Variants in PSG5 observed in about 807,000 individuals in gnomAD.
The protein encoded by PSG5 is pregnancy specific beta-1-glycoprotein 5, also known as pregnancy-specific beta-1-glycoprotein 5.
Under a neutral mutation model 37.7 loss-of-function variants are expected in PSG5, and 53 were observed. The observed-to-expected ratio is 1.41, with a 90% CI of 1.13 to 1.77. The LOEUF (loss-of-function observed/expected upper bound fraction) is 1.77, where lower values mean the gene tolerates loss of function less well. Ranked by LOEUF, PSG5 falls within the 40% of genes most tolerant of loss-of-function variation. The probability of loss-of-function intolerance (pLI) is 0.00; values close to 1 mark genes in which losing one functional copy is unlikely to be tolerated. For missense variants in PSG5, 547 were observed against 405.2 expected (o/e 1.35, Z -3.00); for synonymous variants, 221 against 155.4 (o/e 1.42, Z -3.14).
In PSG5 at chr19:43,176,017, G is replaced by C. The variant is rs750608331; in HGVS notation, c.562C>G (p.Pro188Ala). 3 of 1,611,104 alleles carry C rather than the reference G, an allele frequency of 1.9e-6. No homozygotes were observed. Among genetic ancestry groups the C allele is most frequent in the Admixed American group, 1.7e-5 (1 of 59,882 alleles). The change falls in exon 3 of 6, where the codon CCG (proline) becomes GCG (alanine). Residue 188 changes from proline to alanine, a missense_variant. Physicochemically the swap from Pro to Ala is conservative, Grantham distance 27. Coordinates refer to ENST00000342951, the MANE Select transcript of PSG5 (RefSeq NM_002781.4). ...YIWWLNGQSL[P>A]VSPRVKRPIE... is the part of the protein sequence containing the mutation. ...GGTCGCTTTACCCTGGGACTGACCG[G>C]GAGGCTCTGACCATTTAGCCACCAA... is the stretch of plus-strand genomic sequence containing the variant.
chr19:43,185,211 C>T (rs1435637154), intron 1 of PSG5, 64 bp from the exon 2 acceptor site: 2 of 1,505,670 alleles, frequency 1.3e-6, no homozygotes, highest in Admixed American at 2.1e-5. Flanking sequence ...AAGATGGAGC[C>T]CTGGGTCCTG....
At chr19:43,184,729 A>T (rs549113706) in intron 2 of PSG5, 53 bp downstream of exon 2, 4 of 1,604,282 alleles carry the variant, frequency 2.5e-6, no homozygotes, top group East Asian at 2.2e-5. Context: ...GTGTGTGTGA[A>T]GTAGAAATGA....
intron 4 of PSG5, chr19:43,174,975 G>A (rs1968974467): frequency 2.2e-6 from 3 of 1,375,116 alleles, no homozygotes; most frequent in South Asian, 1.5e-5. Context: ...AGGGCTCAGG[G>A]CTGATAAAGC....
rs1341222192 is a variant in PSG5 at position 43,182,833 on chromosome 19, T to C, written c.430+1949A>G. Among the ~76,000 whole-genome samples the C allele has an allele frequency of 5.5e-5, 8 of 146,232 alleles. No individual in the cohort carries two copies. In the East Asian group the frequency reaches 6.1e-4, roughly 11 times the overall value. ...TCAGCCTCACAAAGGGAAAGAGCCCTGGATGGGAATACAGTGGAAGCTCAT... is the reference window on the plus strand; with the variant it reads ...TCAGCCTCACAAAGGGAAAGAGCCCCGGATGGGAATACAGTGGAAGCTCAT... On this transcript the variant is annotated intron_variant, in intron 2 of 5. Coordinates refer to ENST00000342951, the MANE Select transcript of PSG5 (RefSeq NM_002781.4).
chr19:43,178,808 G>A, intron 2 of PSG5: 1 of 1,610,736 alleles, frequency 6.2e-7, no homozygotes, highest in Non-Finnish European at 8.5e-7. Flanking sequence ...GAGAGGGACT[G>A]AGAGGCCTGG....
chr19:43,181,677 C>G (rs1168443423), intron 2 of PSG5, among the ~76,000 whole-genome samples: 3 of 151,762 alleles, frequency 2.0e-5, no homozygotes, highest in Non-Finnish European at 4.4e-5. Flanking sequence ...CCAGGATGGT[C>G]TCCATCTTCT....
intron 3 of PSG5, 196 bp downstream of exon 3, chr19:43,175,674 G>A (rs1968993196): frequency 7.2e-7 from 1 of 1,387,732 alleles, no homozygotes; most frequent in African/African-American, 1.5e-5. Flanking sequence ...CCCATGACAA[G>A]AGCGCCCCCT....
chr19:43,175,667 A>G, intron 3 of PSG5, 198 bp from the exon 4 acceptor site: 1 of 1,388,584 alleles, frequency 7.2e-7, no homozygotes, highest in East Asian at 2.3e-5. Flanking sequence ...AAAGTCTCCC[A>G]TGACAAGAGC....
intron 5 of PSG5, among the ~76,000 whole-genome samples, chr19:43,168,464 G>A (rs1337964003): frequency 6.6e-6 from 1 of 151,484 alleles, no homozygotes; most frequent in Non-Finnish European, 1.5e-5. Context: ...TGCCTCCCGG[G>A]TTCATGCCAT....
rs150656410 is a variant in PSG5, at chr19:43,184,957, G to A, written c.255C>T (p.Asp85=). 1.5e-4 allele frequency: 236 copies of A among 1,612,234 alleles called. 1 individual carries two copies. Among genetic ancestry groups the A allele is most frequent in the African/African-American group, 1.4e-3 (108 of 74,528 alleles). The change falls in exon 2 of 6, where the codon GAC becomes GAT. Residue 85 remains aspartate (D), a synonymous_variant. Coordinates refer to ENST00000342951, the MANE Select transcript of PSG5 (RefSeq NM_002781.4). The part of the protein sequence containing the change: ...LYHYITSYVV[D]GQINIYGPAY... ...CAGGCCCATATATATTTATTTGACC[G>A]TCTACTACATATGATGTAATGTAAT... is the stretch of plus-strand genomic sequence containing the variant.
rs1429055153 is a variant in PSG5 at position 43,176,067 on chromosome 19, G to A, written c.512C>T (p.Pro171Leu). ...NKDVLAFTCE[P>L]KSENYTYIWW... ...AATGTAGGTGTAGTTCTCACTCTTAGGTTCACAGGTGAAGGCTAAGACATC... is the reference window on the plus strand; with the variant it reads ...AATGTAGGTGTAGTTCTCACTCTTAAGTTCACAGGTGAAGGCTAAGACATC... The change falls in exon 3 of 6, where the codon CCT becomes CTT. Residue 171 changes from proline to leucine, a missense_variant. Coordinates refer to ENST00000342951, the MANE Select transcript of PSG5 (RefSeq NM_002781.4). 15 of 1,610,898 alleles carry A rather than the reference G, an allele frequency of 9.3e-6. No individual in the cohort carries two copies. The highest frequency in any genetic ancestry group is 8.9e-5 in the East Asian group (4 of 44,874).
intron 5 of PSG5, among the ~76,000 whole-genome samples, chr19:43,168,455 G>A (rs1263865365): frequency 6.6e-6 from 1 of 151,346 alleles, no homozygotes; most frequent in Non-Finnish European, 1.5e-5. Flanking sequence ...TGCAAGCTCT[G>A]CCTCCCGGGT....
chr19:43,177,075 A>T (rs2190836), intron 2 of PSG5, among the ~76,000 whole-genome samples: 30,434 of 151,370 alleles, frequency 0.2, 3,777 homozygotes, highest in Non-Finnish European at 0.26. Context: ...AAGTTTTGGG[A>T]ATATTTTCTT....
chr19:43,184,543 C>T lies in PSG5; in HGVS notation c.430+239G>A, dbSNP rs951742795. Among the ~76,000 whole-genome samples, 24 of 151,452 alleles carry T rather than the reference C, an allele frequency of 1.6e-4. 1 individual carries two copies. The highest frequency in any genetic ancestry group is 3.2e-3 in the Middle Eastern group (1 of 314). On this transcript the variant is annotated intron_variant, in intron 2 of 5. Transcript: ENST00000342951. ...GAGACTGATCTCCTCCTGCTGAGTCCCCCCATCAGACTGTCCTTCCTCTGC... is the reference window on the plus strand; with the variant it reads ...GAGACTGATCTCCTCCTGCTGAGTCTCCCCATCAGACTGTCCTTCCTCTGC...
chr19:43,178,779 G>A (rs1969064935), intron 2 of PSG5: 3 of 1,607,848 alleles, frequency 1.9e-6, no homozygotes, highest in Non-Finnish European at 2.6e-6. Context: ...CAGGGGTAAA[G>A]GTCTCTGTAC....
intron 2 of PSG5, chr19:43,178,981 A>G (rs1181932219): frequency 6.2e-7 from 1 of 1,612,792 alleles, no homozygotes; most frequent in African/African-American, 1.3e-5. Context: ...CCAAATATAA[A>G]GAGGGTCCTG....
At chr19:43,179,040 T>C in intron 2 of PSG5, 3 of 1,612,734 alleles carry the variant, frequency 1.9e-6, no homozygotes, top group African/African-American at 1.3e-5. Flanking sequence ...GCTCTGACCA[T>C]TCATCCACCA....
Position 43,175,432 on chromosome 19 carries a change from G to A in PSG5, c.747C>T (p.Thr249=), listed in dbSNP as rs780615431. The A allele has an allele frequency of 1.8e-5, 29 of 1,612,306 alleles. 1 individual carries two copies. In the Admixed American group the frequency reaches 4.7e-4, roughly 26 times the overall value. The change falls in exon 4 of 6, where the codon ACC becomes ACT. Residue 249 remains threonine, a synonymous_variant. Transcript: ENST00000342951. ...PDLPSIYPSF[T]YYRSGENLYL... is the part of the protein sequence containing the mutation. ...AGAGGTTTTCTCCTGAACGGTAATA[G>A]GTGAATGAAGGGTAAATGCTGGGGA...
intron 2 of PSG5, chr19:43,178,944 T>A: frequency 6.2e-7 from 1 of 1,612,888 alleles, no homozygotes; most frequent in Non-Finnish European, 8.5e-7. Context: ...TTCACATTCA[T>A]AGGGTCCTGC....
Sources: allele counts gnomAD v4.1 joint callset (sites outside exome capture counted in the v4.1 genomes callset), GRCh38; gene constraint gnomAD v4.1.1; transcripts MANE v1.5; gene names NCBI Gene and HGNC (gene_info 2026-07-23, HGNC 2026-07-21).